Variants in TG observed in about 807,000 individuals in gnomAD.
TG encodes thyroid hormones.
TG carries 270 observed loss-of-function variants against 324.7 expected under a neutral mutation model. The observed-to-expected ratio is 0.83, with a 90% CI of 0.75 to 0.92. The LOEUF is 0.92. Among genes scored for constraint, TG ranks in the 40% least tolerant of loss-of-function variants. The probability of loss-of-function intolerance (pLI) is 0.00; values close to 1 mark genes in which losing one functional copy is unlikely to be tolerated. For synonymous variants in TG, 1,401 were observed against 1,327.0 expected (o/e 1.06, Z -1.21); for missense variants, 3,591 against 3,456.4 (o/e 1.04, Z -0.98).
At chr8:133,049,892 A>G in intron 41 of TG, 2 of 1,565,612 alleles carry the variant, frequency 1.3e-6, no homozygotes, top group Non-Finnish European at 1.8e-6. Flanking sequence ...CATTTGAGAA[A>G]TGTACTCACC....
intron 35 of TG, among the ~76,000 whole-genome samples, chr8:132,988,056 A>G (rs927185476): frequency 7.3e-6 from 1 of 137,820 alleles, no homozygotes; most frequent in Non-Finnish European, 1.6e-5. Flanking sequence ...CAGCTTGTAC[A>G]TACACATGCA....
chr8:133,092,807 T>C (rs748088044), intron 41 of TG, among the ~76,000 whole-genome samples: 14 of 152,180 alleles, frequency 9.2e-5, no homozygotes, highest in Non-Finnish European at 2.1e-4. Flanking sequence ...GAGTCAACCG[T>C]TGGCTTGCGT....
At chr8:132,979,183 C>A (rs1269628883) in intron 34 of TG, among the ~76,000 whole-genome samples, 1 of 152,104 alleles carries the variant, frequency 6.6e-6, no homozygotes, top group Non-Finnish European at 1.5e-5. Context: ...TGTGGTTAAG[C>A]AGTACCCCAG....
In TG at chr8:133,018,000, A is replaced by G. The variant is rs1037177239; in HGVS notation, c.6782+3A>G. On this transcript the variant is annotated splice_donor_region_variant and intron_variant, in intron 38 of 47. Transcript: ENST00000220616. ...TCCTGGGATGCCAGCAAGCCAAGGT[A>G]TGGGTTGAGTGGAGCACATCTTGGT... The G allele has an allele frequency of 2.5e-6, 4 of 1,613,878 alleles. No homozygotes were observed. The highest frequency in any genetic ancestry group is 2.7e-5 in the African/African-American group (2 of 75,034).
rs141809239 is a variant in TG, at chr8:132,894,845, C to A, written c.3001+916C>A. On this transcript the variant is annotated intron_variant, in intron 11 of 47. Coordinates refer to ENST00000220616, the MANE Select transcript of TG (RefSeq NM_003235.5). ...CAGATCTTCACATTTAATCCTCTGACAGCTCCAGGAGAATGATGGTATAAT... is the reference window on the plus strand; with the variant it reads ...CAGATCTTCACATTTAATCCTCTGAAAGCTCCAGGAGAATGATGGTATAAT... Among the ~76,000 whole-genome samples, 3 of 152,370 alleles carry A rather than the reference C, an allele frequency of 2.0e-5. No homozygotes were observed. The East Asian group carries it at 5.8e-4, about 29-fold the overall frequency.
intron 35 of TG, among the ~76,000 whole-genome samples, chr8:132,991,488 T>TA (rs1172718298): frequency 1.3e-5 from 2 of 152,214 alleles, no homozygotes; most frequent in Non-Finnish European, 2.9e-5. Flanking sequence ...GTATAAAACT[T>TA]AAATGTCCTG....
intron 5 of TG, among the ~76,000 whole-genome samples, chr8:132,874,229 G>A (rs562485850): frequency 6.6e-6 from 1 of 152,190 alleles, no homozygotes; most frequent in Non-Finnish European, 1.5e-5. Flanking sequence ...ATCTGCAGGA[G>A]AGGAAAAAAG....
intron 35 of TG, among the ~76,000 whole-genome samples, chr8:132,993,410 A>G (rs1399098433): frequency 3.3e-5 from 5 of 152,146 alleles, no homozygotes; most frequent in African/African-American, 7.2e-5. Flanking sequence ...CTGCATTTCA[A>G]TTGTCTCACC....
intron 27 of TG, among the ~76,000 whole-genome samples, chr8:132,952,181 G>A (rs2687843): frequency 0.8 from 120,992 of 152,084 alleles, 48,197 homozygotes; most frequent in Admixed American, 0.85. Flanking sequence ...CAGTGAGGAT[G>A]ATGGTGGACT....
At chr8:132,993,229 A>G (rs1194700079) in intron 35 of TG, among the ~76,000 whole-genome samples, 1 of 152,240 alleles carries the variant, frequency 6.6e-6, no homozygotes, top group African/African-American at 2.4e-5. Context: ...AAAGTGATCA[A>G]CTAACTTTTG....
intron 21 of TG, among the ~76,000 whole-genome samples, chr8:132,920,933 T>A (rs147112942): frequency 4.4e-4 from 67 of 152,384 alleles, no homozygotes; most frequent in African/African-American, 1.6e-3. Context: ...GCAACACATT[T>A]GTTTCACACA....
intron 41 of TG, among the ~76,000 whole-genome samples, chr8:133,083,788 T>A (rs916666263): frequency 6.6e-6 from 1 of 152,184 alleles, no homozygotes; most frequent in South Asian, 2.1e-4. Context: ...CTAAGCAGGC[T>A]CACGGACTCA....
intron 6 of TG, 66 bp downstream of exon 6, chr8:132,882,035 T>A (rs1814714818): frequency 8.4e-7 from 1 of 1,192,464 alleles, no homozygotes; most frequent in Non-Finnish European, 1.2e-6. Context: ...AAAACCTGGA[T>A]AACATTGCTT....
intron 14 of TG, 89 bp downstream of exon 14, chr8:132,898,999 G>C (rs1249011254): frequency 1.7e-6 from 2 of 1,155,020 alleles, no homozygotes; most frequent in Middle Eastern, 1.9e-4. Flanking sequence ...GTTCAGCTTA[G>C]TTAAAAGCTC....
intron 21 of TG, among the ~76,000 whole-genome samples, chr8:132,921,711 AC>A (rs1821133225): frequency 6.6e-6 from 1 of 152,222 alleles, no homozygotes; most frequent in Admixed American, 6.5e-5. Flanking sequence ...TAGCTGGTTC[AC>A]TGGACCATGT....
chr8:133,081,868 T>C (rs1845802398), intron 41 of TG, among the ~76,000 whole-genome samples: 1 of 152,214 alleles, frequency 6.6e-6, no homozygotes, highest in Non-Finnish European at 1.5e-5. Flanking sequence ...TGTGTAAGCC[T>C]TCCTGCCTCT....
intron 31 of TG, among the ~76,000 whole-genome samples, 198 bp from the exon 32 acceptor site, chr8:132,969,259 AC>A (rs112398948): frequency 1.3e-5 from 2 of 151,818 alleles, no homozygotes; most frequent in Non-Finnish European, 1.5e-5. Flanking sequence ...CTGTGTCTCC[AC>A]TTTTTTAAAA....
intron 20 of TG, among the ~76,000 whole-genome samples, chr8:132,917,728 C>T (rs191294374): frequency 3.4e-4 from 51 of 152,066 alleles, no homozygotes; most frequent in Non-Finnish European, 6.8e-4. Flanking sequence ...TCACAGATGT[C>T]TTTCTTCAGC....
chr8:132,886,999 A>T lies in TG; in HGVS notation c.1627A>T (p.Thr543Ser). ...CCCTGAAGCTGCTAAGAAGGATGGT[A>T]CTATGAATAAGCCAACTGTGGGCAG... ...GTPEAAKKDG[T>S]MNKPTVGSFG... Residue 543 changes from threonine to serine, a missense_variant, in exon 9 of 48, where the codon ACT becomes TCT. By Grantham distance (58) the Thr-to-Ser change is moderately conservative. Transcript: ENST00000220616. The T allele has an allele frequency of 1.2e-6, 2 of 1,614,240 alleles. No homozygotes were observed. Among genetic ancestry groups the T allele is most frequent in the Non-Finnish European group, 8.5e-7 (1 of 1,180,048 alleles).
Sources: allele counts gnomAD v4.1 joint callset (sites outside exome capture counted in the v4.1 genomes callset), GRCh38; gene constraint gnomAD v4.1.1; transcripts MANE v1.5; gene names NCBI Gene and HGNC (gene_info 2026-07-23, HGNC 2026-07-21).